The following PCDHGA6 variants were observed in gnomAD, a reference collection of about 807,000 sequenced individuals.
PCDHGA6 encodes protocadherin gamma-A6.
PCDHGA6 carries 41 observed loss-of-function variants against 60.6 expected under a neutral mutation model. The observed-to-expected ratio is 0.68, with a 90% confidence interval of 0.53 to 0.88. The LOEUF (loss-of-function observed/expected upper bound fraction) is 0.88. Among genes scored for constraint, PCDHGA6 ranks in the 40% least tolerant of loss-of-function variants. The pLI is 0.00. For synonymous variants in PCDHGA6, 594 were observed against 524.4 expected, an observed-to-expected ratio of 1.13 and a Z score of -1.81; for missense variants, 1,312 against 1,203.0, an observed-to-expected ratio of 1.09 and a Z score of -1.34.
Position 141,489,980 on chromosome 5 carries a change from T to G in PCDHGA6, c.2425-4827T>G, listed in dbSNP as rs2099694325. 1.2e-6 allele frequency: 2 copies of G among 1,614,204 alleles called. No individual in the cohort carries two copies. The highest frequency in any genetic ancestry group is 1.7e-6 in the Non-Finnish European group (2 of 1,180,012). On this transcript the variant is annotated intron_variant, in intron 1 of 3. Transcript: ENST00000517434. This position sits in a 1 kb window ranked among gnomAD's most constrained non-coding sequence, Gnocchi z 4.5. ...GCTCCAACCTTCCAATCCTCAGTTC[T>G]ACGTGTGGGAATCCCAGAGAATGCA...
intron 1 of PCDHGA6, among the ~76,000 whole-genome samples, chr5:141,462,479 GGTT>G (rs1329069527): frequency 6.6e-6 from 1 of 151,838 alleles, no homozygotes; most frequent in Non-Finnish European, 1.5e-5. Flanking sequence ...TGCTTCTCGT[GGTT>G]GTTGTATCCT....
chr5:141,415,740 GTTTTTTTTTTTTTTTTTT>G (rs57426385), intron 1 of PCDHGA6: 9 of 625,028 alleles, frequency 1.4e-5, no homozygotes, highest in African/African-American at 5.0e-5. Flanking sequence ...GTTTATTAAG[GTTTTTTTTTTTTTTTTTT>G]TTTTTTTTTT....
At chr5:141,461,278 C>T (rs2099012353) in intron 1 of PCDHGA6, among the ~76,000 whole-genome samples, 1 of 152,086 alleles carries the variant, frequency 6.6e-6, no homozygotes, top group South Asian at 2.1e-4. Context: ...GTTCTCTTTT[C>T]CCCACATCCA....
At chr5:141,461,663 G>C (rs1230719552) in intron 1 of PCDHGA6, among the ~76,000 whole-genome samples, 1 of 151,984 alleles carries the variant, frequency 6.6e-6, no homozygotes, top group Admixed American at 6.6e-5. Flanking sequence ...TTATTTTAAA[G>C]TTTGTTATTT....
Position 141,487,564 on chromosome 5 carries a change from G to A in PCDHGA6, c.2425-7243G>A, listed in dbSNP as rs1436847912. ...AGTCACCCAGTGCACCTATGGCAGG[G>A]GAGCCTGTTCGCCCAAGCTGCCCAC... On this transcript the variant is annotated intron_variant, in intron 1 of 3. Coordinates refer to ENST00000517434, the MANE Select transcript of PCDHGA6 (RefSeq NM_018919.3). This position sits in a 1 kb window ranked among gnomAD's most constrained non-coding sequence, Gnocchi z 5.0. 3 of 1,614,178 alleles carry A rather than the reference G, an allele frequency of 1.9e-6. No homozygotes were observed. Among genetic ancestry groups the A allele is most frequent in the Non-Finnish European group, 2.5e-6 (3 of 1,180,040 alleles).
chr5:141,511,453 T>G lies in PCDHGA6; in HGVS notation c.*280T>G. 1.7e-6 allele frequency: 1 copy of G among 595,822 alleles called. No individual in the cohort carries two copies. Among genetic ancestry groups the G allele is most frequent in the Non-Finnish European group, 2.8e-6 (1 of 360,062 alleles). 36.9% of individuals were successfully genotyped at this position (595,822 alleles called of 1,614,324 possible). ...GGTTACTGTAGACACCAAGAACCATTTGCCACACCCCGTTTAGTTACAGCT... is the reference window on the plus strand; with the variant it reads ...GGTTACTGTAGACACCAAGAACCATGTGCCACACCCCGTTTAGTTACAGCT... On this transcript the variant is annotated 3_prime_UTR_variant, in exon 4 of 4. Transcript: ENST00000517434.
At chr5:141,398,267 T>G (rs757957397) in intron 1 of PCDHGA6, 2 of 1,435,108 alleles carry the variant, frequency 1.4e-6, no homozygotes, top group East Asian at 2.5e-5. Context: ...GGCTCCGTAG[T>G]GGGGAACCTC....
chr5:141,461,423 C>T lies in PCDHGA6; in HGVS notation c.2425-33384C>T, dbSNP rs1005977255. 3.9e-5 allele frequency among the ~76,000 whole-genome samples: 6 copies of T among 151,938 alleles called. No individual in the cohort carries two copies. In the South Asian group the frequency reaches 6.2e-4, roughly 16 times the overall value. On this transcript the variant is annotated intron_variant, in intron 1 of 3. Coordinates refer to ENST00000517434, the MANE Select transcript of PCDHGA6 (RefSeq NM_018919.3). ...AGCATTTTTTCATATGTTTGTGGGC[C>T]ATTTGTATACCTTCTTTTGAGAAAT... is the stretch of plus-strand genomic sequence containing the variant.
At chr5:141,403,758 T>G in intron 1 of PCDHGA6, 1 of 1,613,922 alleles carries the variant, frequency 6.2e-7, no homozygotes, top group Non-Finnish European at 8.5e-7. Context: ...GCCAGCGACC[T>G]GGATGAGGGA....
At chr5:141,419,464 C>T (rs199965876) in intron 1 of PCDHGA6, 35 of 1,612,542 alleles carry the variant, frequency 2.2e-5, no homozygotes, top group Middle Eastern at 1.7e-4. Context: ...TGCAGGCCCG[C>T]GACCAGGGCT....
intron 1 of PCDHGA6, chr5:141,421,995 C>G (rs750731453): frequency 6.2e-7 from 1 of 1,608,844 alleles, no homozygotes; most frequent in South Asian, 1.1e-5. Context: ...CAGAAAACAT[C>G]AGCTCCGGAA....
Position 141,431,980 on chromosome 5 carries a change from C to G in PCDHGA6, c.2424+55473C>G. The G allele has an allele frequency of 6.2e-7, 1 of 1,614,214 alleles. No homozygotes were observed. The highest frequency in any genetic ancestry group is 8.5e-7 in the Non-Finnish European group (1 of 1,180,024). ...GAAATTACTATAGTTTAGTCACAGACATAGTCTTGGATAGGGAACAGGTTC... is the reference window on the plus strand; with the variant it reads ...GAAATTACTATAGTTTAGTCACAGAGATAGTCTTGGATAGGGAACAGGTTC... On this transcript the variant is annotated intron_variant, in intron 1 of 3. Transcript: ENST00000517434. The surrounding 1 kb of genome is among the most constrained non-coding windows in gnomAD (Gnocchi z 4.8).
At position 141,375,054 on chromosome 5, in the gene PCDHGA6, G is replaced by C; in HGVS notation, c.971G>C (p.Gly324Ala). The change falls in exon 1 of 4, where the codon GGG becomes GCG. Residue 324 changes from glycine (G) to alanine (A), a missense_variant. Physicochemically the swap from Gly to Ala is moderately conservative, Grantham distance 60. Coordinates refer to ENST00000517434, the MANE Select transcript of PCDHGA6 (RefSeq NM_018919.3). ...GAGCTGGGTGTTGAAGCCCGGGATG[G>C]GCCAGGTCTTCGAGACAGAGCGAAA... ...FYELGVEARD[G>A]PGLRDRAKVL... The C allele has an allele frequency of 3.7e-6, 6 of 1,614,004 alleles. No individual in the cohort carries two copies. The highest frequency in any genetic ancestry group is 1.1e-5 in the South Asian group (1 of 91,082).
At chr5:141,408,070 T>C (rs1413400462) in intron 1 of PCDHGA6, 3 of 1,381,930 alleles carry the variant, frequency 2.2e-6, no homozygotes, top group Non-Finnish European at 2.9e-6. Context: ...TGCGCAGACC[T>C]TTCCCAGCAC....
intron 2 of PCDHGA6, among the ~76,000 whole-genome samples, chr5:141,497,894 A>AG (rs1562181617): frequency 2.0e-5 from 3 of 152,186 alleles, no homozygotes; most frequent in Admixed American, 6.5e-5. Context: ...GATCTAGTCC[A>AG]GTAACTTCAA....
At chr5:141,380,058 C>T (rs1231461261) in intron 1 of PCDHGA6, among the ~76,000 whole-genome samples, 2 of 151,888 alleles carry the variant, frequency 1.3e-5, no homozygotes, top group Admixed American at 1.3e-4. Context: ...TGCCACCATG[C>T]CTAGCTAATT....
At chr5:141,433,935 T>G (rs2097665519) in intron 1 of PCDHGA6, among the ~76,000 whole-genome samples, 2 of 152,150 alleles carry the variant, frequency 1.3e-5, no homozygotes, top group African/African-American at 2.4e-5. Context: ...GATTTTATAA[T>G]TCCATTGTTT....
chr5:141,433,079 A>C, intron 1 of PCDHGA6: 1 of 1,614,208 alleles, frequency 6.2e-7, no homozygotes, highest in South Asian at 1.1e-5. Flanking sequence ...CCCCCAGCCC[A>C]ACTATGCAGA....
At chr5:141,424,700 T>C (rs1359856009) in intron 1 of PCDHGA6, 3 of 152,228 alleles carry the variant, frequency 2.0e-5, no homozygotes, top group African/African-American at 7.2e-5. Context: ...TATTTTTTTG[T>C]TCATTTTCAG....
Sources: gnomAD v4.1 joint callset for allele counts (sites outside exome capture counted in the v4.1 genomes callset) on GRCh38, gnomAD v4.1.1 for gene constraint, Gnocchi (gnomAD v3.1) non-coding constraint, MANE v1.5 for transcripts, NCBI Gene and HGNC (gene_info 2026-07-23, HGNC 2026-07-21) for gene names.